The following MBD5 variants were observed in gnomAD, a reference collection of about 807,000 sequenced individuals.
MBD5 encodes the protein methyl-CpG binding domain protein 5.
Under a neutral mutation model 117.3 loss-of-function variants are expected in MBD5, and 13 were observed. That is an observed-to-expected ratio of 0.11 (90% confidence interval 0.07 to 0.18). The LOEUF (loss-of-function observed/expected upper bound fraction) is 0.18, where lower values mean the gene tolerates loss of function less well. Ranked by LOEUF, MBD5 falls within the 10% of genes least tolerant of loss-of-function variation. The pLI, the probability that MBD5 is intolerant of heterozygous loss-of-function variation, is 1.00. For missense variants in MBD5, 1,879 were observed against 2,093.8 expected (o/e 0.90, Z 2.00); for synonymous variants, 727 against 766.4 (o/e 0.95, Z 0.85).
At chr2:148,365,108 T>C (rs1703658523) in intron 4 of MBD5, among the ~76,000 whole-genome samples, 1 of 152,098 alleles carries the variant, frequency 6.6e-6, no homozygotes, top group Admixed American at 6.5e-5. Context: ...CCTCAGCAAA[T>C]GCAAAAGAAC....
intron 2 of MBD5, among the ~76,000 whole-genome samples, chr2:148,194,825 T>G (rs1698932693): frequency 6.9e-6 from 1 of 145,630 alleles, no homozygotes; most frequent in Non-Finnish European, 1.5e-5. Flanking sequence ...AGAAAACAAA[T>G]AGCAAGGTGC....
At chr2:148,358,049 A>G (rs1202820082) in intron 4 of MBD5, among the ~76,000 whole-genome samples, 1 of 152,058 alleles carries the variant, frequency 6.6e-6, no homozygotes, top group Non-Finnish European at 1.5e-5. Flanking sequence ...TCACATTAAT[A>G]TATTGAAATC....
At chr2:148,413,510 C>CCT (rs1705328762) in intron 4 of MBD5, among the ~76,000 whole-genome samples, 1 of 139,812 alleles carries the variant, frequency 7.2e-6, no homozygotes, top group Non-Finnish European at 1.6e-5. Context: ...CCTCCCCCAC[C>CCT]TTTTTTTTTT....
chr2:148,280,146 A>C (rs1284266410), intron 3 of MBD5, among the ~76,000 whole-genome samples: 1 of 150,526 alleles, frequency 6.6e-6, no homozygotes, highest in African/African-American at 2.4e-5. Context: ...AAAAAAAAAA[A>C]AAAACAAAAA....
At chr2:148,212,856 A>G (rs1272122327) in intron 2 of MBD5, among the ~76,000 whole-genome samples, 1 of 152,196 alleles carries the variant, frequency 6.6e-6, no homozygotes, top group Non-Finnish European at 1.5e-5. Flanking sequence ...TCTCATTGAC[A>G]ACAATTTTAA....
intron 8 of MBD5, chr2:148,470,694 C>T: frequency 5.7e-6 from 3 of 523,364 alleles, no homozygotes; most frequent in Non-Finnish European, 1.0e-5. Flanking sequence ...CAATCTGTGT[C>T]ATTTTGAATA....
intron 1 of MBD5, among the ~76,000 whole-genome samples, chr2:148,105,582 C>T (rs1213265731): frequency 6.6e-6 from 1 of 152,112 alleles, no homozygotes; most frequent in Non-Finnish European, 1.5e-5. Flanking sequence ...TTGTTCCTTA[C>T]TGCTTTTTGT....
chr2:148,489,311 A>C, intron 10 of MBD5, 75 bp from the exon 11 acceptor site: 12 of 1,562,614 alleles, frequency 7.7e-6, no homozygotes, highest in Non-Finnish European at 1.1e-5. Flanking sequence ...GGTAAATTTT[A>C]AAATTATAGT....
chr2:148,108,155 G>C (rs1696417551), intron 1 of MBD5, among the ~76,000 whole-genome samples: 1 of 152,128 alleles, frequency 6.6e-6, no homozygotes, highest in Non-Finnish European at 1.5e-5. Flanking sequence ...GTGGGAAAGT[G>C]AGTACTGTGT....
At chr2:148,188,911 G>A (rs1176580030) in intron 2 of MBD5, among the ~76,000 whole-genome samples, 12 of 151,888 alleles carry the variant, frequency 7.9e-5, no homozygotes, top group Non-Finnish European at 1.2e-4. Flanking sequence ...CACCGTGCGC[G>A]AGCCGAAGCA....
chr2:148,383,156 T>G lies in MBD5; in HGVS notation c.-557+40820T>G, dbSNP rs942659725. 2.8e-4 allele frequency among the ~76,000 whole-genome samples: 42 copies of G among 152,116 alleles called. 1 individual carries two copies. The highest frequency in any genetic ancestry group is 9.2e-4 in the African/African-American group (38 of 41,408). ...CACAAAAAACCCTTCAAAAAATTAG[T>G]GAATCCAGGAGCTGTTTTTTTGAAA... On this transcript the variant is annotated intron_variant, in intron 4 of 13. Coordinates refer to ENST00000642680, the MANE Select transcript of MBD5 (RefSeq NM_001378120.1).
chr2:148,154,286 C>G (rs879114934), intron 1 of MBD5, among the ~76,000 whole-genome samples: 2 of 152,060 alleles, frequency 1.3e-5, no homozygotes, highest in African/African-American at 4.8e-5. Context: ...GCAGTCTGCC[C>G]GTTCTCAGAT....
intron 4 of MBD5, among the ~76,000 whole-genome samples, chr2:148,446,199 C>A (rs374056026): frequency 6.6e-6 from 1 of 151,470 alleles, no homozygotes; most frequent in Admixed American, 6.6e-5. Context: ...AGACATGAAG[C>A]CCTTGCCCAC....
intron 4 of MBD5, among the ~76,000 whole-genome samples, chr2:148,407,752 G>C (rs1040965550): frequency 7.2e-5 from 11 of 152,236 alleles, no homozygotes; most frequent in African/African-American, 2.6e-4. Context: ...GAGGGTTTCA[G>C]GGCTATTTTC....
intron 3 of MBD5, among the ~76,000 whole-genome samples, chr2:148,335,674 G>A (rs1019320144): frequency 2.6e-5 from 4 of 151,940 alleles, no homozygotes; most frequent in Non-Finnish European, 4.4e-5. Context: ...AGCCATGATC[G>A]CACCACTGCT....
At chr2:148,413,686 T>G (rs1178638403) in intron 4 of MBD5, among the ~76,000 whole-genome samples, 4 of 151,954 alleles carry the variant, frequency 2.6e-5, no homozygotes, top group Non-Finnish European at 5.9e-5. Flanking sequence ...AGTTTCTTCC[T>G]CATTCAATGT....
At chr2:148,448,804 C>T (rs559008376) in intron 4 of MBD5, among the ~76,000 whole-genome samples, 169 of 152,072 alleles carry the variant, frequency 1.1e-3, no homozygotes, top group African/African-American at 3.8e-3. Context: ...AAAGATTTGA[C>T]GTTCATATAT....
intron 3 of MBD5, among the ~76,000 whole-genome samples, chr2:148,336,455 T>C (rs528491160): frequency 6.6e-6 from 1 of 152,346 alleles, no homozygotes; most frequent in Non-Finnish European, 1.5e-5. Flanking sequence ...GGCTCAATTC[T>C]GGCTCGCTGC....
intron 1 of MBD5, among the ~76,000 whole-genome samples, chr2:148,023,766 C>CT (rs560077149): frequency 1.8e-4 from 26 of 144,642 alleles, no homozygotes; most frequent in Admixed American, 2.1e-4. Context: ...TATTTTGTTT[C>CT]TTTTTTTTTT....
Sources: allele counts gnomAD v4.1 joint callset (sites outside exome capture counted in the v4.1 genomes callset), GRCh38; gene constraint gnomAD v4.1.1; transcripts MANE v1.5; gene names NCBI Gene and HGNC (gene_info 2026-07-23, HGNC 2026-07-21).